The following PHC2 variants were observed in gnomAD, a reference collection of about 807,000 sequenced individuals.
PHC2 encodes polyhomeotic-like protein 2.
PHC2 carries 29 observed loss-of-function variants against 87.4 expected under a neutral mutation model. The ratio of observed to expected loss-of-function variants is 0.33; its 90% CI spans 0.25 to 0.45. The LOEUF (loss-of-function observed/expected upper bound fraction) is 0.45, where lower values mean the gene tolerates loss of function less well. Among genes scored for constraint, PHC2 ranks in the 20% least tolerant of loss-of-function variants. The probability of loss-of-function intolerance (pLI) is 1.00; values close to 1 mark genes in which losing one functional copy is unlikely to be tolerated. For missense variants in PHC2, 857 were observed against 1,136.7 expected, an observed-to-expected ratio of 0.75 and a Z score of 3.54; for synonymous variants, 438 against 461.7, an observed-to-expected ratio of 0.95 and a Z score of 0.66.
chr1:33,387,077 G>A (rs1648801120), intron 1 of PHC2, among the ~76,000 whole-genome samples: 1 of 152,232 alleles, frequency 6.6e-6, no homozygotes, highest in South Asian at 2.1e-4. Flanking sequence ...TAAAGTTCAA[G>A]GGCCTAAAAA....
intron 2 of PHC2, among the ~76,000 whole-genome samples, chr1:33,372,940 A>C (rs1647947654): frequency 6.6e-6 from 1 of 152,218 alleles, no homozygotes; most frequent in African/African-American, 2.4e-5. Flanking sequence ...ACAGCCAGCC[A>C]CAGGCAAACT....
intron 9 of PHC2, chr1:33,350,019 C>T (rs1486396456): frequency 4.3e-6 from 1 of 230,878 alleles, no homozygotes; most frequent in Non-Finnish European, 7.1e-6. Flanking sequence ...TTCCTTTGTG[C>T]GGCGAGCCCC....
chr1:33,354,325 C>T, intron 9 of PHC2, 76 bp downstream of exon 9: 1 of 1,386,802 alleles, frequency 7.2e-7, no homozygotes, highest in Non-Finnish European at 9.9e-7. Flanking sequence ...TTCCAGATGC[C>T]CAAGTGAAAT....
intron 9 of PHC2, among the ~76,000 whole-genome samples, chr1:33,336,070 C>T (rs1340843579): frequency 6.6e-6 from 1 of 151,644 alleles, no homozygotes; most frequent in African/African-American, 2.4e-5. Flanking sequence ...CTCACTGCAA[C>T]CTCTGCCTCT....
Position 33,382,997 on chromosome 1 carries a change from C to T in PHC2, c.-54-7404G>A, listed in dbSNP as rs565276302. ...AAATGAGAAGTCTCGTCAGCCCCAT[C>T]GTGGCTGCTGGTATTATCATGAGGC... is the stretch of plus-strand genomic sequence containing the variant. On this transcript the variant is annotated intron_variant, in intron 1 of 14. Transcript: ENST00000683057. The surrounding 1 kb of genome is among the most constrained non-coding windows in gnomAD (Gnocchi z 4.3). 3.2e-4 allele frequency among the ~76,000 whole-genome samples: 48 copies of T among 152,302 alleles called. 1 individual carries two copies. The highest frequency in any genetic ancestry group is 4.6e-4 in the Admixed American group (7 of 15,298).
chr1:33,389,877 T>C (rs1320828576), intron 1 of PHC2, among the ~76,000 whole-genome samples: 2 of 152,206 alleles, frequency 1.3e-5, no homozygotes, highest in Non-Finnish European at 2.9e-5. Flanking sequence ...GGGAAAATTA[T>C]CTAAATGGAT....
At chr1:33,358,740 T>C (rs1647139956) in intron 7 of PHC2, 1 of 152,208 alleles carries the variant, frequency 6.6e-6, no homozygotes, top group African/African-American at 2.4e-5. Context: ...TAATTTTTAT[T>C]ATTTCTTTGA....
intron 1 of PHC2, among the ~76,000 whole-genome samples, chr1:33,429,309 C>A (rs1472570607): frequency 6.6e-6 from 1 of 152,118 alleles, no homozygotes; most frequent in Non-Finnish European, 1.5e-5. Flanking sequence ...GACAACTGTG[C>A]TGGGAATAAG....
intron 1 of PHC2, among the ~76,000 whole-genome samples, chr1:33,386,931 TG>T (rs1215351602): frequency 6.6e-6 from 1 of 152,352 alleles, no homozygotes; most frequent in East Asian, 1.9e-4. Context: ...CATTTTCTCC[TG>T]CTCCTGCTCA....
intron 1 of PHC2, among the ~76,000 whole-genome samples, chr1:33,394,893 C>A (rs936582336): frequency 6.6e-6 from 1 of 152,156 alleles, no homozygotes; most frequent in African/African-American, 2.4e-5. Context: ...TAAAGCACTT[C>A]CCAGGAATAG....
At chr1:33,356,819 C>T (rs528776623) in intron 7 of PHC2, among the ~76,000 whole-genome samples, 7 of 152,304 alleles carry the variant, frequency 4.6e-5, no homozygotes, top group South Asian at 2.1e-4. Flanking sequence ...ACCTCCCAGA[C>T]GGGGTGGCGG....
intron 1 of PHC2, among the ~76,000 whole-genome samples, chr1:33,378,388 A>G (rs1438203836): frequency 6.6e-6 from 1 of 152,220 alleles, no homozygotes; most frequent in East Asian, 1.9e-4. Flanking sequence ...TCAAACACAG[A>G]CTACCTCACA....
chr1:33,354,112 A>G (rs576660635), intron 9 of PHC2, among the ~76,000 whole-genome samples: 1 of 152,314 alleles, frequency 6.6e-6, no homozygotes, highest in African/African-American at 2.4e-5. Context: ...TCCACTTGGC[A>G]TATGTCTATG....
Position 33,367,136 on chromosome 1 carries a change from G to T in PHC2, c.956C>A (p.Ala319Asp). Residue 319 changes from alanine (A) to aspartate (D), a missense_variant, in exon 7 of 15, where the codon GCC becomes GAC. Transcript: ENST00000683057. ...GLSRTVPAVAAHPLIAPAYAQ... is the reference protein window; with the variant it reads ...GLSRTVPAVADHPLIAPAYAQ... ...CTTACCTGGTGCAATGAGGGGGTGG[G>T]CAGCCACAGCAGGAACCGTCCGGCT... The T allele has an allele frequency of 6.2e-7, 1 of 1,607,022 alleles. No homozygotes were observed. Among genetic ancestry groups the T allele is most frequent in the East Asian group, 2.2e-5 (1 of 44,690 alleles).
In PHC2 at chr1:33,354,623, G is replaced by A; in HGVS notation, c.1393-57C>T. 2.0e-6 allele frequency: 3 copies of A among 1,538,248 alleles called. No individual in the cohort carries two copies. The East Asian group carries it at 6.9e-5, about 35-fold the overall frequency. On this transcript the variant is annotated intron_variant, in intron 8 of 14. Transcript: ENST00000683057. ...CTCAGAAATAGCCTTTGCATTCTTG[G>A]ATACTTCCCTGGTTTCCATGGAGCT...
chr1:33,325,041 C>T (rs769923111), intron 14 of PHC2, 22 bp from the exon 15 acceptor site: 2 of 1,588,532 alleles, frequency 1.3e-6, no homozygotes, highest in Non-Finnish European at 1.7e-6. Context: ...CCACCAAAGA[C>T]AGTGTCAATC....
At chr1:33,328,786 C>T (rs1174665687) in intron 14 of PHC2, 84 bp downstream of exon 14, 4 of 1,370,446 alleles carry the variant, frequency 2.9e-6, no homozygotes, top group South Asian at 1.3e-5. Context: ...AACTAAACTA[C>T]CTAATCCTCC....
At position 33,334,228 on chromosome 1, in the gene PHC2, G is replaced by A. The variant is rs767527869; in HGVS notation, c.1623C>T (p.Asn541=). The A allele has an allele frequency of 1.7e-5, 27 of 1,612,460 alleles. No homozygotes were observed. The highest frequency in any genetic ancestry group is 1.0e-4 in the Admixed American group (6 of 59,344). ...CGGCGATGCTGGAGGCAGAGTTTCCGTTCCCTGAGGTCATGCCGGGGCTGC... is the reference window on the plus strand; with the variant it reads ...CGGCGATGCTGGAGGCAGAGTTTCCATTCCCTGAGGTCATGCCGGGGCTGC... ...DLSSPGMTSG[N]GNSASSIAGT... Residue 541 remains asparagine (N), a synonymous_variant, in exon 10 of 15, where the codon AAC becomes AAT. Transcript: ENST00000683057. The surrounding 1 kb of genome is among the most constrained non-coding windows in gnomAD (Gnocchi z 5.5).
At chr1:33,411,064 AT>A (rs1649963373) in intron 1 of PHC2, among the ~76,000 whole-genome samples, 1 of 152,178 alleles carries the variant, frequency 6.6e-6, no homozygotes, top group African/African-American at 2.4e-5. Context: ...AATGAATTAC[AT>A]TTCGATAATT....
Sources: gnomAD v4.1 joint callset for allele counts (sites outside exome capture counted in the v4.1 genomes callset) on GRCh38, gnomAD v4.1.1 for gene constraint, Gnocchi (gnomAD v3.1) non-coding constraint, MANE v1.5 for transcripts, NCBI Gene and HGNC (gene_info 2026-07-23, HGNC 2026-07-21) for gene names.